The following DTD1 variants were observed in gnomAD, a reference collection of about 807,000 sequenced individuals.
The protein encoded by DTD1 is D-aminoacyl-tRNA deacylase 1.
Under a neutral mutation model 25.6 loss-of-function variants are expected in DTD1, and 13 were observed. The observed-to-expected ratio is 0.51, with a 90% CI of 0.33 to 0.81. DTD1 has a LOEUF of 0.81. DTD1 is among the 30% of genes least tolerant of loss of function. The probability of loss-of-function intolerance (pLI) is 0.02; values close to 1 mark genes in which losing one functional copy is unlikely to be tolerated. For synonymous variants in DTD1, 110 were observed against 103.6 expected (o/e 1.06, Z -0.37); for missense variants, 193 against 266.4 (o/e 0.72, Z 1.92).
Position 18,632,238 on chromosome 20 carries a change from A to T in DTD1, c.477+4005A>T, listed in dbSNP as rs78050701. 4,474 of 985,462 alleles carry T rather than the reference A, an allele frequency of 4.5e-3. 12 individuals carry two copies. Among genetic ancestry groups the T allele is most frequent in the Non-Finnish European group, 5.1e-3 (4,231 of 829,920 alleles). The allele number at this position is 985,462 out of a possible 1,614,324, so 61.0% of individuals were successfully genotyped here. On this transcript the variant is annotated intron_variant, in intron 4 of 5. Transcript: ENST00000377452. The stretch of plus-strand genomic sequence containing the variant: ...CCATGTTAACTTATAAGGATTAAAA[A>T]AGACTTTTAGTTATTTCTGAATCCT...
chr20:18,763,970 A>G lies in DTD1; in HGVS notation c.*630A>G, dbSNP rs929194478. 1 of 151,452 alleles carries G rather than the reference A, an allele frequency of 6.6e-6. No homozygotes were observed. Among genetic ancestry groups the G allele is most frequent in the African/African-American group, 2.4e-5 (1 of 41,154 alleles). The allele number at this position is 151,452 out of a possible 1,614,324, so 9.4% of individuals were successfully genotyped here. A position where few individuals can be genotyped will look rare whatever the true frequency, so the allele number is the denominator to read the frequency against. ...TGTCCATAGAAATGCAATGCGTCTG[A>G]CCTCTCTCTATGCGTATCTACACTT... On this transcript the variant is annotated 3_prime_UTR_variant, in exon 6 of 6. Coordinates refer to ENST00000377452, the MANE Select transcript of DTD1 (RefSeq NM_080820.6).
At chr20:18,691,560 T>C (rs2061047510) in intron 4 of DTD1, among the ~76,000 whole-genome samples, 1 of 151,988 alleles carries the variant, frequency 6.6e-6, no homozygotes, top group Non-Finnish European at 1.5e-5. Flanking sequence ...AGCTAAACAC[T>C]GAGTACACAT....
intron 4 of DTD1, among the ~76,000 whole-genome samples, chr20:18,702,608 A>G (rs991779291): frequency 6.6e-6 from 1 of 152,172 alleles, no homozygotes; most frequent in Non-Finnish European, 1.5e-5. Flanking sequence ...GACCAGGAGC[A>G]GGTTGGTCTT....
chr20:18,759,074 T>G (rs993011546), intron 5 of DTD1, among the ~76,000 whole-genome samples: 20 of 152,156 alleles, frequency 1.3e-4, no homozygotes, highest in African/African-American at 4.3e-4. Context: ...CTTTTTTTGT[T>G]TTTTCATTTG....
intron 4 of DTD1, among the ~76,000 whole-genome samples, chr20:18,728,207 C>T (rs1382961095): frequency 6.6e-6 from 1 of 152,206 alleles, no homozygotes; most frequent in Admixed American, 6.5e-5. Context: ...CAAGAGGGCC[C>T]TGCCTGGGCA....
rs182446298 is a variant in DTD1, at chr20:18,634,048, T to C, written c.477+5815T>C. Among the ~76,000 whole-genome samples the C allele has an allele frequency of 3.9e-5, 6 of 152,376 alleles. No individual in the cohort carries two copies. The East Asian group carries it at 1.2e-3, about 29-fold the overall frequency. ...ACATGGAAGCAGCAGCAGAACCAAC[T>C]GACTGCTGTTTTGCCTGGTGCATTT... On this transcript the variant is annotated intron_variant, in intron 4 of 5. Transcript: ENST00000377452.
intron 3 of DTD1, among the ~76,000 whole-genome samples, chr20:18,597,443 A>T (rs2060616527): frequency 6.6e-6 from 1 of 152,174 alleles, no homozygotes; most frequent in Admixed American, 6.5e-5. Context: ...GAGTTGTGCA[A>T]CCATTGCCAC....
chr20:18,709,397 C>T (rs2061149309), intron 4 of DTD1, among the ~76,000 whole-genome samples: 1 of 152,102 alleles, frequency 6.6e-6, no homozygotes, highest in South Asian at 2.1e-4. Flanking sequence ...TTGCCATTTC[C>T]CTCCCTCATG....
intron 4 of DTD1, among the ~76,000 whole-genome samples, chr20:18,734,747 G>T (rs1443296578): frequency 1.3e-5 from 2 of 152,214 alleles, no homozygotes; most frequent in Non-Finnish European, 1.5e-5. Context: ...ACACAGCATG[G>T]TTTAAGTGAC....
chr20:18,723,879 G>T (rs2061214194), intron 4 of DTD1, among the ~76,000 whole-genome samples: 1 of 152,192 alleles, frequency 6.6e-6, no homozygotes, highest in Non-Finnish European at 1.5e-5. Flanking sequence ...AGTGCTAGAG[G>T]TCAGGCTCTG....
intron 4 of DTD1, among the ~76,000 whole-genome samples, chr20:18,715,341 AC>A (rs958839625): frequency 6.6e-6 from 1 of 151,726 alleles, no homozygotes; most frequent in Non-Finnish European, 1.5e-5. Context: ...CAGCCTCCCC[AC>A]CCACCCTAGC....
At chr20:18,648,855 G>T (rs1475359743) in intron 4 of DTD1, among the ~76,000 whole-genome samples, 1 of 151,762 alleles carries the variant, frequency 6.6e-6, no homozygotes, top group Non-Finnish European at 1.5e-5. Flanking sequence ...AATTAGCCGG[G>T]TGTGGTGGCA....
At position 18,637,300 on chromosome 20, in the gene DTD1, G is replaced by A. The variant is rs570247002; in HGVS notation, c.477+9067G>A. ...ACCCCTTCCCCCTGCCACACAGGCA[G>A]TGATGAAAATGTTTCCAGAATATGG... On this transcript the variant is annotated intron_variant, in intron 4 of 5. Coordinates refer to ENST00000377452, the MANE Select transcript of DTD1 (RefSeq NM_080820.6). Among the ~76,000 whole-genome samples, 45 of 152,352 alleles carry A rather than the reference G, an allele frequency of 3.0e-4. No individual in the cohort carries two copies. The South Asian group carries it at 7.0e-3, about 24-fold the overall frequency.
intron 3 of DTD1, among the ~76,000 whole-genome samples, chr20:18,623,386 C>A (rs1199809086): frequency 2.0e-5 from 3 of 151,838 alleles, no homozygotes; most frequent in Non-Finnish European, 4.4e-5. Flanking sequence ...CTTTAATCTT[C>A]TTCACTCTTT....
intron 4 of DTD1, among the ~76,000 whole-genome samples, chr20:18,691,457 T>G (rs901790957): frequency 6.6e-6 from 1 of 152,192 alleles, no homozygotes; most frequent in Non-Finnish European, 1.5e-5. Flanking sequence ...AATCATGTCC[T>G]TTGCAGCAAC....
At position 18,749,412 on chromosome 20, in the gene DTD1, ACT is replaced by A. The variant is rs1424474774; in HGVS notation, c.*19+5145_*19+5146del. ...AAAGCTGTGTTGGGTCTGTGGGCTG[ACT>A]CTCGGTCCTGGATAGAAGTGGTGAG... On this transcript the variant is annotated intron_variant, in intron 5 of 5. Coordinates refer to ENST00000377452, the MANE Select transcript of DTD1 (RefSeq NM_080820.6). The surrounding 1 kb of genome is among the most constrained non-coding windows in gnomAD (Gnocchi z 4.2). 1.3e-5 allele frequency among the ~76,000 whole-genome samples: 2 copies of A among 151,240 alleles called. No individual in the cohort carries two copies. The highest frequency in any genetic ancestry group is 1.5e-5 in the Non-Finnish European group (1 of 67,806).
At chr20:18,642,174 T>A (rs1190836362) in intron 4 of DTD1, among the ~76,000 whole-genome samples, 1 of 152,182 alleles carries the variant, frequency 6.6e-6, no homozygotes, top group East Asian at 1.9e-4. Context: ...TTAGTATCTT[T>A]CCTGCAAACA....
intron 3 of DTD1, among the ~76,000 whole-genome samples, chr20:18,611,865 T>C (rs1272666657): frequency 6.6e-6 from 1 of 152,094 alleles, no homozygotes; most frequent in Non-Finnish European, 1.5e-5. Context: ...ATTATTGTTA[T>C]TATTTTTGAG....
intron 4 of DTD1, among the ~76,000 whole-genome samples, chr20:18,717,334 A>G (rs568129621): frequency 5.3e-5 from 8 of 152,352 alleles, no homozygotes; most frequent in Non-Finnish European, 7.3e-5. Context: ...TGCAGCTACT[A>G]TGATTTAATA....
Sources: gnomAD v4.1 joint callset for allele counts (sites outside exome capture counted in the v4.1 genomes callset) on GRCh38, gnomAD v4.1.1 for gene constraint, Gnocchi (gnomAD v3.1) non-coding constraint, MANE v1.5 for transcripts, NCBI Gene and HGNC (gene_info 2026-07-23, HGNC 2026-07-21) for gene names.